ADGRV1: variants seen among roughly 807,000 people sequenced by gnomAD.
The protein encoded by ADGRV1 is adhesion G protein-coupled receptor V1.
In ADGRV1, 359 loss-of-function variants were observed where a neutral mutation model predicts 596.2. That is an observed-to-expected ratio of 0.60 (90% CI 0.55 to 0.66). ADGRV1 has a LOEUF of 0.66. Among genes scored for constraint, ADGRV1 ranks in the 30% least tolerant of loss-of-function variants. The pLI is 0.00. For missense variants in ADGRV1, 7,274 were observed against 7,575.6 expected (o/e 0.96, Z 1.48); for synonymous variants, 2,681 against 2,679.2 (o/e 1.00, Z -0.02).
At chr5:91,119,003 C>T (rs60160510) in intron 87 of ADGRV1, among the ~76,000 whole-genome samples, 33 of 152,228 alleles carry the variant, frequency 2.2e-4, no homozygotes, top group African/African-American at 7.5e-4. Context: ...CTATCTTGAT[C>T]ATTCTCATAC....
At chr5:90,856,661 G>C (rs1008920512) in intron 82 of ADGRV1, among the ~76,000 whole-genome samples, 1 of 152,054 alleles carries the variant, frequency 6.6e-6, no homozygotes, top group African/African-American at 2.4e-5. Flanking sequence ...TTAAGAGCTG[G>C]GCATAGGGTA....
At position 90,807,659 on chromosome 5, in the gene ADGRV1, C is replaced by T; in HGVS notation, c.14894C>T (p.Pro4965Leu). ...AAAGGAGTTTTCCTGTGGACGTTTC[C>T]TAGCCCTGGTTGGCCAGAGGCCTTT... ...QRKGVFLWTF[P>L]SPGWPEAFVL... The change falls in exon 73 of 90, where the codon CCT becomes CTT. Residue 4965 changes from proline (P) to leucine (L), a missense_variant. Transcript: ENST00000405460. The T allele has an allele frequency of 6.2e-7, 1 of 1,613,126 alleles. No individual in the cohort carries two copies. Among genetic ancestry groups the T allele is most frequent in the Non-Finnish European group, 8.5e-7 (1 of 1,179,234 alleles).
intron 1 of ADGRV1, among the ~76,000 whole-genome samples, chr5:90,598,755 A>C (rs978422420): frequency 6.6e-6 from 1 of 152,232 alleles, no homozygotes; most frequent in African/African-American, 2.4e-5. Context: ...AGTGTGATGC[A>C]TGGCGTCTTG....
Position 90,657,998 on chromosome 5 carries a change from C to T in ADGRV1, c.4472C>T (p.Thr1491Met), listed in dbSNP as rs138373307. ...QDVRSYERKL[T>M]LEEIYELHAM... Reference sequence around the variant, plus strand: ...GTGAGGTCCTATGAGCGGAAACTGACGCTTGAAGAAATTTATGAACTTCAT... The same window carrying T: ...GTGAGGTCCTATGAGCGGAAACTGATGCTTGAAGAAATTTATGAACTTCAT... Residue 1491 changes from threonine to methionine, a missense_variant, in exon 21 of 90, where the codon ACG (threonine) becomes ATG (methionine). Thr to Met is a moderately conservative substitution (Grantham distance 81). Transcript: ENST00000405460. The T allele has an allele frequency of 4.6e-5, 75 of 1,613,926 alleles. No individual in the cohort carries two copies. Among genetic ancestry groups the T allele is most frequent in the African/African-American group, 2.1e-4 (16 of 75,042 alleles).
intron 83 of ADGRV1, chr5:90,899,446 C>A (rs139039737): frequency 6.6e-6 from 1 of 152,220 alleles, no homozygotes; most frequent in Non-Finnish European, 1.5e-5. Flanking sequence ...GTAAACATCC[C>A]CTACCTGGCC....
chr5:90,752,403 T>G (rs984665745), intron 53 of ADGRV1, among the ~76,000 whole-genome samples: 9 of 152,200 alleles, frequency 5.9e-5, no homozygotes, highest in Admixed American at 3.3e-4. Context: ...CATCCAGGTC[T>G]TAAGCCTAGT....
In ADGRV1 at chr5:90,848,672, T is replaced by G; in HGVS notation, c.17055T>G (p.Val5685=). Residue 5685 remains valine (V), a synonymous_variant, in exon 79 of 90, where the codon GTT becomes GTG. Coordinates refer to ENST00000405460, the MANE Select transcript of ADGRV1 (RefSeq NM_032119.4). ...TTEGKIQAFS[V]ASRTLFYEIL... is the part of the protein sequence containing the mutation. ...AAGGAAAAATTCAAGCTTTCAGTGT[T>G]GCCAGCCGAACTCTTTTCTATGAGA... 1 of 1,555,950 alleles carries G rather than the reference T, an allele frequency of 6.4e-7. No homozygotes were observed. Among genetic ancestry groups the G allele is most frequent in the Non-Finnish European group, 8.7e-7 (1 of 1,155,798 alleles).
chr5:90,944,816 C>T (rs1206893394), intron 83 of ADGRV1, among the ~76,000 whole-genome samples: 1 of 152,102 alleles, frequency 6.6e-6, no homozygotes, highest in African/African-American at 2.4e-5. Context: ...GCTGAAACTC[C>T]TCTTTGGGAC....
At chr5:90,691,360 C>T (rs1580754601) in intron 31 of ADGRV1, among the ~76,000 whole-genome samples, 1 of 148,250 alleles carries the variant, frequency 6.7e-6, no homozygotes. Context: ...ATTTATAATA[C>T]ATTTGCTCTG....
chr5:90,966,510 C>T (rs1435374112), intron 84 of ADGRV1, among the ~76,000 whole-genome samples: 5 of 113,936 alleles, frequency 4.4e-5, no homozygotes, highest in Admixed American at 2.4e-4. Flanking sequence ...CCAGCCTGGG[C>T]GAGAAAAGCG....
At chr5:90,695,899 A>G (rs1747134616) in intron 33 of ADGRV1, among the ~76,000 whole-genome samples, 1 of 152,020 alleles carries the variant, frequency 6.6e-6, no homozygotes, top group African/African-American at 2.4e-5. Context: ...ATAAAGTTGG[A>G]TTTTTCCAGT....
At chr5:91,125,746 G>A (rs1283387071) in intron 87 of ADGRV1, among the ~76,000 whole-genome samples, 1 of 152,184 alleles carries the variant, frequency 6.6e-6, no homozygotes, top group Non-Finnish European at 1.5e-5. Flanking sequence ...TTGAGTGAAT[G>A]CATTTTGTGC....
intron 83 of ADGRV1, among the ~76,000 whole-genome samples, chr5:90,928,355 T>A (rs1581542056): frequency 6.6e-6 from 1 of 152,042 alleles, no homozygotes; most frequent in Admixed American, 6.5e-5. Flanking sequence ...TTCTCTAAAC[T>A]TTCCTTCTCA....
At chr5:90,588,444 G>A (rs982710374) in intron 1 of ADGRV1, among the ~76,000 whole-genome samples, 1 of 152,250 alleles carries the variant, frequency 6.6e-6, no homozygotes, top group Non-Finnish European at 1.5e-5. Flanking sequence ...ATTTTTGGAA[G>A]TTAGGCTGGA....
intron 86 of ADGRV1, among the ~76,000 whole-genome samples, chr5:91,082,554 G>A (rs574029421): frequency 5.3e-5 from 8 of 152,174 alleles, no homozygotes; most frequent in African/African-American, 1.2e-4. Context: ...ATGGATGACC[G>A]AAGTCTTCCA....
intron 24 of ADGRV1, 36 bp from the exon 25 acceptor site, chr5:90,676,044 G>A (rs1184004304): frequency 6.5e-7 from 1 of 1,541,400 alleles, no homozygotes. Flanking sequence ...TATACAGAAT[G>A]ATTGTAATCT....
chr5:90,826,385 G>C (rs894035857), intron 76 of ADGRV1, among the ~76,000 whole-genome samples: 1 of 152,054 alleles, frequency 6.6e-6, no homozygotes, highest in Non-Finnish European at 1.5e-5. Context: ...CTTATTCTTG[G>C]AGTCACTGGA....
intron 87 of ADGRV1, among the ~76,000 whole-genome samples, chr5:91,107,534 T>A (rs1460793109): frequency 5.3e-5 from 8 of 152,206 alleles, no homozygotes. Context: ...GTGTGGAATG[T>A]TGGCATTTGC....
chr5:90,754,876 C>T (rs1755659687), intron 54 of ADGRV1, 107 bp from the exon 55 acceptor site: 9 of 732,890 alleles, frequency 1.2e-5, no homozygotes, highest in Admixed American at 2.4e-5. Context: ...CTTCTTTTTC[C>T]TTAACTGTCT....
Sources: gnomAD v4.1 joint callset for allele counts (sites outside exome capture counted in the v4.1 genomes callset) on GRCh38, gnomAD v4.1.1 for gene constraint, MANE v1.5 for transcripts, NCBI Gene and HGNC (gene_info 2026-07-23, HGNC 2026-07-21) for gene names.